Variants in COG5 observed in about 807,000 individuals in gnomAD.
COG5 encodes conserved oligomeric Golgi complex subunit 5.
Under a neutral mutation model 110.4 loss-of-function variants are expected in COG5, and 86 were observed. That is an observed-to-expected ratio of 0.78 (90% CI 0.65 to 0.93). COG5 has a LOEUF of 0.93. COG5 is among the 40% of genes least tolerant of loss of function. COG5 has a pLI of 0.00. For synonymous variants in COG5, 360 were observed against 334.6 expected (o/e 1.08, Z -0.83); for missense variants, 1,077 against 987.0 (o/e 1.09, Z -1.22).
intron 3 of COG5, among the ~76,000 whole-genome samples, chr7:107,553,615 A>G (rs1803084534): frequency 6.6e-6 from 1 of 152,206 alleles, no homozygotes; most frequent in South Asian, 2.1e-4. Flanking sequence ...GTAACATTTC[A>G]TATTTATGAG....
At chr7:107,210,907 T>C (rs1799111481) in intron 20 of COG5, among the ~76,000 whole-genome samples, 192 bp downstream of exon 20, 1 of 152,266 alleles carries the variant, frequency 6.6e-6, no homozygotes, top group Non-Finnish European at 1.5e-5. Context: ...GGTAATTTTT[T>C]GCACTGCTGA....
intron 12 of COG5, among the ~76,000 whole-genome samples, chr7:107,294,294 A>C (rs1186030442): frequency 3.3e-5 from 5 of 152,114 alleles, no homozygotes; most frequent in Non-Finnish European, 5.9e-5. Context: ...GTCCTCTCAA[A>C]TCCATGGCTT....
At chr7:107,376,658 T>C (rs148085785) in intron 7 of COG5, among the ~76,000 whole-genome samples, 1 of 152,180 alleles carries the variant, frequency 6.6e-6, no homozygotes, top group African/African-American at 2.4e-5. Context: ...TCATTGCTTT[T>C]CTTATTACTT....
intron 6 of COG5, among the ~76,000 whole-genome samples, chr7:107,485,448 T>C (rs547290709): frequency 8.5e-5 from 13 of 152,302 alleles, no homozygotes; most frequent in African/African-American, 3.1e-4. Context: ...CAATTTTAAA[T>C]ACAATTATTC....
chr7:107,410,394 G>A (rs562994469), intron 7 of COG5, among the ~76,000 whole-genome samples: 1 of 152,120 alleles, frequency 6.6e-6, no homozygotes, highest in African/African-American at 2.4e-5. Context: ...GAAAACCATC[G>A]AGTAGTAAAG....
chr7:107,389,902 C>T (rs956386798), intron 7 of COG5, among the ~76,000 whole-genome samples: 3 of 152,138 alleles, frequency 2.0e-5, no homozygotes, highest in African/African-American at 7.2e-5. Context: ...AACCTTTATT[C>T]ACAATCACAC....
At chr7:107,525,462 A>C (rs1472985916) in intron 6 of COG5, among the ~76,000 whole-genome samples, 1 of 152,208 alleles carries the variant, frequency 6.6e-6, no homozygotes, top group Non-Finnish European at 1.5e-5. Flanking sequence ...TGATAGAGCA[A>C]AACAGTGGCT....
At chr7:107,207,047 T>G (rs2237659) in intron 21 of COG5, among the ~76,000 whole-genome samples, 29,104 of 152,190 alleles carry the variant, frequency 0.19, 3,251 homozygotes, top group East Asian at 0.31. Flanking sequence ...CTGCTCAACA[T>G]GACAAAAACT....
At chr7:107,388,697 T>C (rs1313472862) in intron 7 of COG5, among the ~76,000 whole-genome samples, 4 of 152,186 alleles carry the variant, frequency 2.6e-5, no homozygotes, top group African/African-American at 9.7e-5. Context: ...CATGGAAAGA[T>C]GTGAACAGTA....
At chr7:107,389,123 C>T (rs756670084) in intron 7 of COG5, among the ~76,000 whole-genome samples, 1 of 152,188 alleles carries the variant, frequency 6.6e-6, no homozygotes, top group Non-Finnish European at 1.5e-5. Flanking sequence ...ATCTTAGATC[C>T]GCCTTTCTTT....
At chr7:107,370,908 C>A (rs1311978034) in intron 8 of COG5, among the ~76,000 whole-genome samples, 2 of 151,294 alleles carry the variant, frequency 1.3e-5, no homozygotes, top group African/African-American at 4.9e-5. Context: ...ATCCACTTGT[C>A]AACACATGGT....
intron 12 of COG5, among the ~76,000 whole-genome samples, chr7:107,293,058 T>A (rs1435342065): frequency 2.6e-5 from 4 of 152,124 alleles, no homozygotes; most frequent in Non-Finnish European, 5.9e-5. Context: ...AGCCCAACCC[T>A]CAGTTTGGTC....
At chr7:107,441,050 G>A (rs1375967185) in intron 6 of COG5, among the ~76,000 whole-genome samples, 4 of 151,636 alleles carry the variant, frequency 2.6e-5, no homozygotes, top group Non-Finnish European at 4.4e-5. Context: ...TCAGGAGATC[G>A]AGACCATCCT....
chr7:107,293,044 T>C (rs546402165), intron 12 of COG5, among the ~76,000 whole-genome samples: 10 of 152,186 alleles, frequency 6.6e-5, no homozygotes, highest in Admixed American at 3.9e-4. Context: ...CAGCAAGAAA[T>C]AGCAGCCCAA....
At chr7:107,533,784 G>A (rs1027675939) in intron 5 of COG5, among the ~76,000 whole-genome samples, 6 of 151,498 alleles carry the variant, frequency 4.0e-5, no homozygotes, top group African/African-American at 1.2e-4. Context: ...TAGCAAGACA[G>A]GCCAACATTC....
At chr7:107,547,178 G>C (rs956345363) in intron 5 of COG5, among the ~76,000 whole-genome samples, 1 of 152,114 alleles carries the variant, frequency 6.6e-6, no homozygotes, top group African/African-American at 2.4e-5. Flanking sequence ...CATTCACCAT[G>C]ATCAAGTGAG....
chr7:107,374,562 G>A (rs1814466995), intron 7 of COG5, among the ~76,000 whole-genome samples: 1 of 151,866 alleles, frequency 6.6e-6, no homozygotes, highest in Non-Finnish European at 1.5e-5. Context: ...AAAACACCTA[G>A]CTAAAATAAA....
At chr7:107,296,996 A>T (rs1230096258) in intron 12 of COG5, among the ~76,000 whole-genome samples, 2 of 152,232 alleles carry the variant, frequency 1.3e-5, no homozygotes, top group African/African-American at 4.8e-5. Context: ...ATACTCTTTC[A>T]ATTTTGGAGG....
chr7:107,394,649 C>A (rs979805588), intron 7 of COG5, among the ~76,000 whole-genome samples: 5 of 152,092 alleles, frequency 3.3e-5, no homozygotes, highest in African/African-American at 7.2e-5. Context: ...TATGAGATAA[C>A]CTTTGTGAGC....
Sources: gnomAD v4.1 joint callset for allele counts (sites outside exome capture counted in the v4.1 genomes callset) on GRCh38, gnomAD v4.1.1 for gene constraint, MANE v1.5 for transcripts, NCBI Gene and HGNC (gene_info 2026-07-23, HGNC 2026-07-21) for gene names.